ZCCHC7: variants seen among roughly 807,000 people sequenced by gnomAD.
ZCCHC7 encodes zinc finger CCHC-type containing 7.
A neutral mutation model predicts 52.0 loss-of-function variants in ZCCHC7; 35 were observed. The ratio of observed to expected loss-of-function variants is 0.67; its 90% CI spans 0.51 to 0.89. The LOEUF (loss-of-function observed/expected upper bound fraction) is 0.89. Ranked by LOEUF, ZCCHC7 falls within the 40% of genes least tolerant of loss-of-function variation. The pLI, the probability that ZCCHC7 is intolerant of heterozygous loss-of-function variation, is 0.00. For synonymous variants in ZCCHC7, 217 were observed against 221.5 expected (o/e 0.98, Z 0.18); for missense variants, 574 against 649.1 (o/e 0.88, Z 1.26).
chr9:37,187,983 T>C (rs1195209607), intron 2 of ZCCHC7, among the ~76,000 whole-genome samples: 1 of 152,152 alleles, frequency 6.6e-6, no homozygotes, highest in Non-Finnish European at 1.5e-5. Context: ...TTGTGAGTAA[T>C]GCAAGTGAAA....
chr9:37,330,209 T>C (rs947283698), intron 6 of ZCCHC7, among the ~76,000 whole-genome samples: 1 of 151,936 alleles, frequency 6.6e-6, no homozygotes, highest in Non-Finnish European at 1.5e-5. Flanking sequence ...AAGTGGACTT[T>C]TGAAATATTC....
intron 2 of ZCCHC7, among the ~76,000 whole-genome samples, chr9:37,275,590 C>G (rs953614402): frequency 6.6e-6 from 1 of 152,030 alleles, no homozygotes; most frequent in African/African-American, 2.4e-5. Context: ...TTGTTTTTCC[C>G]TATGGTATGT....
At chr9:37,129,348 G>A (rs1425316521) in intron 2 of ZCCHC7, among the ~76,000 whole-genome samples, 5 of 152,174 alleles carry the variant, frequency 3.3e-5, no homozygotes, top group Non-Finnish European at 7.3e-5. Context: ...ATTAAATTCT[G>A]AATTTTTGGA....
At position 37,200,814 on chromosome 9, in the gene ZCCHC7, A is replaced by T. The variant is rs373551290; in HGVS notation, c.610+73872A>T. Among the ~76,000 whole-genome samples the T allele has an allele frequency of 1.0e-4, 16 of 152,382 alleles. No homozygotes were observed. In the East Asian group the frequency reaches 1.5e-3, roughly 15 times the overall value. On this transcript the variant is annotated intron_variant, in intron 2 of 8. Coordinates refer to ENST00000336755, the MANE Select transcript of ZCCHC7 (RefSeq NM_032226.3). Reference sequence around the variant, plus strand: ...AAAGGCTCTCTGCTTAAAGATGCTTATCTTTTCTTCCCTTCCCCTGTGACT... The same window carrying T: ...AAAGGCTCTCTGCTTAAAGATGCTTTTCTTTTCTTCCCTTCCCCTGTGACT...
At chr9:37,280,480 T>C (rs1827900835) in intron 2 of ZCCHC7, among the ~76,000 whole-genome samples, 1 of 152,160 alleles carries the variant, frequency 6.6e-6, no homozygotes, top group Non-Finnish European at 1.5e-5. Flanking sequence ...ACCATATATA[T>C]GGTGGACCAT....
intron 2 of ZCCHC7, among the ~76,000 whole-genome samples, chr9:37,221,472 G>A (rs937135381): frequency 1.3e-5 from 2 of 152,132 alleles, no homozygotes; most frequent in African/African-American, 4.8e-5. Context: ...AATATTAATA[G>A]CAAAGAATAT....
chr9:37,156,181 G>A (rs1820801862), intron 2 of ZCCHC7, among the ~76,000 whole-genome samples: 1 of 152,132 alleles, frequency 6.6e-6, no homozygotes, highest in African/African-American at 2.4e-5. Flanking sequence ...GTTTGAGTTT[G>A]TTTCCCTTTT....
At chr9:37,226,655 T>C (rs1180103777) in intron 2 of ZCCHC7, among the ~76,000 whole-genome samples, 1 of 152,146 alleles carries the variant, frequency 6.6e-6, no homozygotes. Context: ...GAACCATATC[T>C]CTTCCATCAC....
intron 2 of ZCCHC7, among the ~76,000 whole-genome samples, chr9:37,287,653 C>T (rs1033319671): frequency 6.6e-6 from 1 of 152,026 alleles, no homozygotes. Context: ...TTTTATTTCT[C>T]TGTGTGTATA....
intron 2 of ZCCHC7, among the ~76,000 whole-genome samples, chr9:37,141,296 ATT>A (rs201295350): frequency 1.3e-5 from 2 of 149,336 alleles, no homozygotes; most frequent in African/African-American, 4.9e-5. Flanking sequence ...AAAAAGGGGA[ATT>A]TTTTTTTTTA....
intron 2 of ZCCHC7, among the ~76,000 whole-genome samples, chr9:37,175,761 T>G (rs1821989681): frequency 6.6e-6 from 1 of 152,124 alleles, no homozygotes; most frequent in Non-Finnish European, 1.5e-5. Context: ...TTTCTCCCAT[T>G]TTATAGTCCA....
rs73646344 is a variant in ZCCHC7, at chr9:37,266,387, T to C, written c.611-35801T>C. 7.4e-4 allele frequency among the ~76,000 whole-genome samples: 113 copies of C among 152,316 alleles called. 1 individual carries two copies. The highest frequency in any genetic ancestry group is 2.6e-3 in the African/African-American group (107 of 41,568). The stretch of plus-strand genomic sequence containing the variant: ...GTAAATTTATTTGTTTTTTTAAATT[T>C]AGGGATGTGTAAAGAGCTATAAAGT... On this transcript the variant is annotated intron_variant, in intron 2 of 8. Transcript: ENST00000336755.
At position 37,349,330 on chromosome 9, in the gene ZCCHC7, A is replaced by G; in HGVS notation, c.988-27A>G. On this transcript the variant is annotated intron_variant, in intron 6 of 8. Transcript: ENST00000336755. ...GTTTTAATTTTCTTCTAACATCAACAAACCCTCACAAATATTCATGTTGCA... is the reference window on the plus strand; with the variant it reads ...GTTTTAATTTTCTTCTAACATCAACGAACCCTCACAAATATTCATGTTGCA... 3 of 1,609,158 alleles carry G rather than the reference A, an allele frequency of 1.9e-6. No individual in the cohort carries two copies. In the South Asian group the frequency reaches 3.3e-5, roughly 18 times the overall value.
intron 2 of ZCCHC7, among the ~76,000 whole-genome samples, chr9:37,172,894 A>G (rs1463609602): frequency 6.6e-6 from 1 of 151,108 alleles, no homozygotes; most frequent in Non-Finnish European, 1.5e-5. Flanking sequence ...TGAGTGAGCC[A>G]TGTGGGCATT....
intron 2 of ZCCHC7, among the ~76,000 whole-genome samples, chr9:37,231,094 ACCACCATACC>A (rs1397216274): frequency 6.6e-6 from 1 of 152,082 alleles, no homozygotes; most frequent in East Asian, 1.9e-4. Flanking sequence ...CAGGGTGTGC[ACCACCATACC>A]CCACTAATTT....
At chr9:37,278,417 A>C (rs1564221334) in intron 2 of ZCCHC7, among the ~76,000 whole-genome samples, 1 of 152,236 alleles carries the variant, frequency 6.6e-6, no homozygotes, top group Non-Finnish European at 1.5e-5. Flanking sequence ...TGAAAATATC[A>C]GTGAACTTGA....
At chr9:37,350,784 T>C (rs186134659) in intron 7 of ZCCHC7, among the ~76,000 whole-genome samples, 1 of 152,344 alleles carries the variant, frequency 6.6e-6, no homozygotes, top group East Asian at 1.9e-4. Context: ...AGCCCATACT[T>C]CTGGGAATCT....
intron 2 of ZCCHC7, among the ~76,000 whole-genome samples, chr9:37,168,918 A>C (rs1031765844): frequency 1.3e-5 from 2 of 152,214 alleles, no homozygotes; most frequent in Non-Finnish European, 2.9e-5. Context: ...AAACCAGTGC[A>C]TTAGATAAGC....
intron 2 of ZCCHC7, among the ~76,000 whole-genome samples, chr9:37,230,999 ATC>A (rs1236484508): frequency 1.3e-5 from 2 of 152,206 alleles, no homozygotes; most frequent in East Asian, 3.9e-4. Context: ...CAGTGGTGTG[ATC>A]TCTCTCGGCT....
Sources: gnomAD v4.1 joint callset for allele counts (sites outside exome capture counted in the v4.1 genomes callset) on GRCh38, gnomAD v4.1.1 for gene constraint, MANE v1.5 for transcripts, NCBI Gene and HGNC (gene_info 2026-07-23, HGNC 2026-07-21) for gene names.